ASPM: variants seen among roughly 807,000 people sequenced by gnomAD.
ASPM encodes the protein abnormal spindle-like microcephaly-associated protein.
ASPM carries 256 observed loss-of-function variants against 366.4 expected under a neutral mutation model. That is an observed-to-expected ratio of 0.70 (90% confidence interval 0.63 to 0.77). The LOEUF is 0.77. Among genes scored for constraint, ASPM ranks in the 30% least tolerant of loss-of-function variants. The probability of loss-of-function intolerance (pLI) is 0.00; values close to 1 mark genes in which losing one functional copy is unlikely to be tolerated. For synonymous variants in ASPM, 1,414 were observed against 1,342.9 expected, an observed-to-expected ratio of 1.05 and a Z score of -1.16; for missense variants, 4,146 against 4,090.4, an observed-to-expected ratio of 1.01 and a Z score of -0.37.
intron 27 of ASPM, among the ~76,000 whole-genome samples, chr1:197,085,572 A>G (rs1176358924): frequency 6.6e-6 from 1 of 152,210 alleles, no homozygotes; most frequent in Non-Finnish European, 1.5e-5. Context: ...AAGTGATAGA[A>G]AGGAATGAAA....
At chr1:197,095,845 T>A (rs560537769) in intron 19 of ASPM, among the ~76,000 whole-genome samples, 153 bp downstream of exon 19, 1 of 151,834 alleles carries the variant, frequency 6.6e-6, no homozygotes, top group Admixed American at 6.6e-5. Flanking sequence ...GTATTTTGTT[T>A]CCTTAATAAA....
chr1:197,108,969 T>TC (rs1159546094), intron 17 of ASPM, among the ~76,000 whole-genome samples: 3 of 71,286 alleles, frequency 4.2e-5, no homozygotes, highest in Admixed American at 1.9e-4. Context: ...AGACCCTGTC[T>TC]CCAAAAAAAA....
At chr1:197,107,738 G>A (rs1349695016) in intron 17 of ASPM, among the ~76,000 whole-genome samples, 1 of 152,076 alleles carries the variant, frequency 6.6e-6, no homozygotes, top group Admixed American at 6.6e-5. Flanking sequence ...AACCAAGTGA[G>A]AATAGTAGAA....
chr1:197,132,766 T>C (rs560816872), intron 6 of ASPM, among the ~76,000 whole-genome samples: 2 of 149,216 alleles, frequency 1.3e-5, no homozygotes, highest in East Asian at 1.9e-4. Context: ...TAAATATATA[T>C]ATATTTATAT....
chr1:197,111,819 T>C (rs1657595471), intron 17 of ASPM, among the ~76,000 whole-genome samples: 1 of 152,090 alleles, frequency 6.6e-6, no homozygotes, highest in African/African-American at 2.4e-5. Context: ...TAAGATACTA[T>C]CTCACATCAA....
chr1:197,096,576 T>C (rs1264112451), intron 18 of ASPM, among the ~76,000 whole-genome samples: 4 of 151,778 alleles, frequency 2.6e-5, no homozygotes, highest in African/African-American at 9.7e-5. Context: ...CAATCCATAT[T>C]CACTTTGGGT....
rs763965968 is a variant in ASPM, at chr1:197,104,449, TTC to T, written c.4800_4801del (p.Lys1601IlefsTer2). On this transcript the variant is annotated frameshift_variant, in exon 18 of 28. Coordinates refer to ENST00000367409, the MANE Select transcript of ASPM (RefSeq NM_018136.5). LOFTEE classifies it high-confidence loss of function. ...AGCTGCTTTCTTCATCTTCTTATATTTCTGTCGTTGTTGATGTTTTCTTACAT... is the reference window on the plus strand; with the variant it reads ...AGCTGCTTTCTTCATCTTCTTATATTTGTCGTTGTTGATGTTTTCTTACAT... The T allele has an allele frequency of 5.0e-6, 8 of 1,612,816 alleles. No individual in the cohort carries two copies. The highest frequency in any genetic ancestry group is 6.8e-6 in the Non-Finnish European group (8 of 1,179,412).
rs749603289 is a variant in ASPM, at chr1:197,146,249, C to G, written c.189G>C (p.Leu63=). The change falls in exon 1 of 28, where the codon CTG becomes CTC. Residue 63 remains leucine, a synonymous_variant. Transcript: ENST00000367409. ...CGTTAGGGTTGTCTAGGGCCAGAGA[C>G]AGCGTCCGTGAGGCTCCCAGGAGAA... The part of the protein sequence containing the change: ...GDVLLGASRT[L]SLALDNPNEE... 1 of 1,614,030 alleles carries G rather than the reference C, an allele frequency of 6.2e-7. No individual in the cohort carries two copies. The highest frequency in any genetic ancestry group is 2.2e-5 in the East Asian group (1 of 44,872).
intron 17 of ASPM, among the ~76,000 whole-genome samples, chr1:197,116,851 C>T (rs1657751642): frequency 6.6e-6 from 1 of 151,930 alleles, no homozygotes; most frequent in African/African-American, 2.4e-5. Flanking sequence ...AAAAAGTAAG[C>T]GAAACTAAAT....
At chr1:197,109,374 T>C (rs927282030) in intron 17 of ASPM, among the ~76,000 whole-genome samples, 2 of 152,106 alleles carry the variant, frequency 1.3e-5, no homozygotes, top group Non-Finnish European at 2.9e-5. Flanking sequence ...AATGTAAGTT[T>C]ACAGTAAGAT....
At chr1:197,121,247 T>C (rs1657898491) in intron 16 of ASPM, among the ~76,000 whole-genome samples, 1 of 152,136 alleles carries the variant, frequency 6.6e-6, no homozygotes, top group South Asian at 2.1e-4. Flanking sequence ...TTTCTTAGAT[T>C]ATTAAAAATA....
chr1:197,124,196 C>A lies in ASPM; in HGVS notation c.3304G>T (p.Asp1102Tyr). 1 of 1,612,384 alleles carries A rather than the reference C, an allele frequency of 6.2e-7. No homozygotes were observed. Among genetic ancestry groups the A allele is most frequent in the Non-Finnish European group, 8.5e-7 (1 of 1,178,848 alleles). The change falls in exon 13 of 28, where the codon GAT becomes TAT. Residue 1102 changes from aspartate (D) to tyrosine (Y), a missense_variant. By Grantham distance (160) the Asp-to-Tyr change is radical. This residue lies in a region of ASPM where 3,624 missense variants were observed against 3,591.7 expected (regional missense o/e 1.01). Transcript: ENST00000367409. Reference protein sequence around the residue: ...DLINKKKGKRDSGSFEQYSEN... With the variant: ...DLINKKKGKRYSGSFEQYSEN... Reference sequence around the variant, plus strand: ...CTATATTGTTCAAAGGAACCACTATCCCTTTTGCCTTTTTTCTTATTAATA... The same window carrying A: ...CTATATTGTTCAAAGGAACCACTATACCTTTTGCCTTTTTTCTTATTAATA...
intron 18 of ASPM, among the ~76,000 whole-genome samples, chr1:197,099,581 G>A (rs1558327346): frequency 6.6e-6 from 1 of 151,522 alleles, no homozygotes; most frequent in African/African-American, 2.4e-5. Context: ...CACTTCTCAT[G>A]TTGTATTATA....
At chr1:197,129,412 A>G in intron 8 of ASPM, 95 bp from the exon 9 acceptor site, 1 of 1,382,660 alleles carries the variant, frequency 7.2e-7, no homozygotes, top group Non-Finnish European at 1.0e-6. Context: ...TGTTAGTAAA[A>G]CAAAAAGTGT....
intron 12 of ASPM, among the ~76,000 whole-genome samples, 170 bp downstream of exon 12, chr1:197,124,700 T>C (rs1658028968): frequency 6.7e-6 from 1 of 149,348 alleles, no homozygotes; most frequent in South Asian, 2.1e-4. Context: ...TATATATATA[T>C]ATACACATAT....
rs781625944 is a variant in ASPM at position 197,101,392 on chromosome 1, T to C, written c.7859A>G (p.Gln2620Arg). The change falls in exon 18 of 28, where the codon CAG becomes CGG. Residue 2620 changes from glutamine to arginine, a missense_variant. Gln to Arg is a conservative substitution (Grantham distance 43, BLOSUM62 1). Transcript: ENST00000367409. Reference sequence around the variant, plus strand: ...GGCAGCCTGGTGCTGTTCCTGAATCTGTTTTTTTATGTTCATGTCCTGAAA... The same window carrying C: ...GGCAGCCTGGTGCTGTTCCTGAATCCGTTTTTTTATGTTCATGTCCTGAAA... ...AGFQDMNIKKQIQEQHQAAII... is the reference protein window; with the variant it reads ...AGFQDMNIKKRIQEQHQAAII... 2.5e-6 allele frequency: 4 copies of C among 1,608,436 alleles called. No individual in the cohort carries two copies. The African/African-American group carries it at 5.3e-5, about 22-fold the overall frequency.
chr1:197,117,186 G>A (rs1162645485), intron 17 of ASPM, among the ~76,000 whole-genome samples: 1 of 151,888 alleles, frequency 6.6e-6, no homozygotes, highest in African/African-American at 2.4e-5. Context: ...TATATTGATG[G>A]GGTGAAGCTT....
Position 197,104,969 on chromosome 1 carries a change from G to A in ASPM, c.4282C>T (p.Gln1428Ter). Residue 1428 changes from glutamine (Q) to a stop codon, truncating the protein, a stop_gained, in exon 18 of 28, where the codon CAA becomes TAA. Transcript: ENST00000367409. LOFTEE classifies it high-confidence loss of function. Reference sequence around the variant, plus strand: ...TGCTTCCATTTTCTGAACATAGATTGGATTATAAGAGTTGATGATTTTAGC... The same window carrying A: ...TGCTTCCATTTTCTGAACATAGATTAGATTATAAGAGTTGATGATTTTAGC... Reference protein sequence around the residue: ...EMLKSSTLIIQSMFRKWKQRK... With the variant: ...EMLKSSTLII 1.2e-6 allele frequency: 2 copies of A among 1,611,706 alleles called. No individual in the cohort carries two copies. The highest frequency in any genetic ancestry group is 1.7e-6 in the Non-Finnish European group (2 of 1,178,832).
chr1:197,120,021 A>C (rs1416175865), intron 16 of ASPM, among the ~76,000 whole-genome samples: 2 of 151,984 alleles, frequency 1.3e-5, no homozygotes, highest in African/African-American at 4.8e-5. Flanking sequence ...ATGTGAGGTA[A>C]TTGTATAAAA....
Sources: gnomAD v4.1 joint callset for allele counts (sites outside exome capture counted in the v4.1 genomes callset) on GRCh38, gnomAD v4.1.1 for gene constraint, gnomAD v4.1.1 regional missense constraint, MANE v1.5 for transcripts, NCBI Gene and HGNC (gene_info 2026-07-23, HGNC 2026-07-21) for gene names.